TXNDC11: variants seen among roughly 807,000 people sequenced by gnomAD.
TXNDC11 encodes the protein thioredoxin domain containing 11.
Under a neutral mutation model 78.0 loss-of-function variants are expected in TXNDC11, and 68 were observed. The ratio of observed to expected loss-of-function variants is 0.87; its 90% CI spans 0.72 to 1.07. TXNDC11 has a LOEUF of 1.07. TXNDC11 is among the 50% of genes least tolerant of loss of function. TXNDC11 has a pLI of 0.00. For synonymous variants in TXNDC11, 571 were observed against 495.2 expected, an observed-to-expected ratio of 1.15 and a Z score of -2.03; for missense variants, 1,389 against 1,221.8, an observed-to-expected ratio of 1.14 and a Z score of -2.04.
At chr16:11,685,255 G>A (rs925678690) in intron 10 of TXNDC11, among the ~76,000 whole-genome samples, 10 of 151,932 alleles carry the variant, frequency 6.6e-5, no homozygotes, top group Non-Finnish European at 1.5e-4. Context: ...ACTTGGGAAG[G>A]TGGGAGAATC....
intron 1 of TXNDC11, 33 bp from the exon 2 acceptor site, chr16:11,736,266 A>T: frequency 6.7e-7 from 1 of 1,485,178 alleles, no homozygotes; most frequent in Admixed American, 1.9e-5. Flanking sequence ...AAGATTGCTT[A>T]GTTTATCTTC....
chr16:11,738,174 G>A lies in TXNDC11; in HGVS notation c.255-1941C>T, dbSNP rs2052282953. ...GAGTCTCAAAATGATTATGCTGAGTGAAAAAAGTGCTAAAGAGTACATGCA... is the reference window on the plus strand; with the variant it reads ...GAGTCTCAAAATGATTATGCTGAGTAAAAAAAGTGCTAAAGAGTACATGCA... On this transcript the variant is annotated intron_variant, in intron 1 of 11. Coordinates refer to ENST00000283033, the MANE Select transcript of TXNDC11 (RefSeq NM_015914.7). 2.0e-5 allele frequency among the ~76,000 whole-genome samples: 3 copies of A among 152,304 alleles called. No homozygotes were observed. In the South Asian group the frequency reaches 6.2e-4, roughly 32 times the overall value.
chr16:11,735,238 A>C (rs540278119), intron 2 of TXNDC11, among the ~76,000 whole-genome samples: 43 of 152,324 alleles, frequency 2.8e-4, no homozygotes, highest in African/African-American at 9.9e-4. Flanking sequence ...GTAAGTCACC[A>C]ACATATCACC....
At chr16:11,725,974 C>CA (rs2051865139) in intron 4 of TXNDC11, among the ~76,000 whole-genome samples, 1 of 152,136 alleles carries the variant, frequency 6.6e-6, no homozygotes, top group Non-Finnish European at 1.5e-5. Flanking sequence ...CTCCTGGACT[C>CA]AAGCAATCCT....
chr16:11,686,237 C>T (rs1303410733), intron 10 of TXNDC11, among the ~76,000 whole-genome samples: 2 of 152,198 alleles, frequency 1.3e-5, no homozygotes, highest in Admixed American at 6.5e-5. Context: ...GGATTACAGG[C>T]ATGAGCCACT....
chr16:11,717,223 T>A (rs2051551950), intron 5 of TXNDC11, among the ~76,000 whole-genome samples: 1 of 149,102 alleles, frequency 6.7e-6, no homozygotes. Context: ...GTCAGGAGTT[T>A]GAGACCAGCC....
At chr16:11,682,198 T>G (rs2050440953) in intron 11 of TXNDC11, among the ~76,000 whole-genome samples, 1 of 152,240 alleles carries the variant, frequency 6.6e-6, no homozygotes, top group Non-Finnish European at 1.5e-5. Context: ...GCTTGCCCAT[T>G]TACCTTCTGG....
At chr16:11,731,687 T>TCA (rs34570874) in intron 3 of TXNDC11, among the ~76,000 whole-genome samples, 8,936 of 143,776 alleles carry the variant, frequency 0.062, 410 homozygotes, top group African/African-American at 0.14. Flanking sequence ...TTACAGAAAT[T>TCA]CACACACACA....
chr16:11,722,916 G>T (rs374570150), intron 4 of TXNDC11, among the ~76,000 whole-genome samples: 2 of 152,166 alleles, frequency 1.3e-5, no homozygotes, highest in East Asian at 1.9e-4. Flanking sequence ...CTTGCTTGTT[G>T]TAAGATTCAA....
chr16:11,736,472 A>C (rs1434415682), intron 1 of TXNDC11, among the ~76,000 whole-genome samples: 2 of 152,190 alleles, frequency 1.3e-5, no homozygotes, highest in African/African-American at 4.8e-5. Context: ...AGTGGAGAGC[A>C]GAGAAGGATG....
chr16:11,691,564 C>T lies in TXNDC11; in HGVS notation c.1626G>A (p.Glu542=). The change falls in exon 8 of 12, where the codon GAG becomes GAA. Residue 542 remains glutamate (E), a synonymous_variant. Coordinates refer to ENST00000283033, the MANE Select transcript of TXNDC11 (RefSeq NM_015914.7). The part of the protein sequence containing the change: ...VAFSSLEKKC[E]VDAPSSVPHI... ...GAGGAACGGAGCTTGGGGCATCAACCTCACATTTCTTCTCAAGGGAAGAAA... is the reference window on the plus strand; with the variant it reads ...GAGGAACGGAGCTTGGGGCATCAACTTCACATTTCTTCTCAAGGGAAGAAA... 6.2e-7 allele frequency: 1 copy of T among 1,614,206 alleles called. No homozygotes were observed.
At chr16:11,702,304 A>G (rs1461693483) in intron 5 of TXNDC11, among the ~76,000 whole-genome samples, 1 of 152,174 alleles carries the variant, frequency 6.6e-6, no homozygotes, top group Non-Finnish European at 1.5e-5. Flanking sequence ...GGTGAATAAG[A>G]TACTGCAGAA....
At chr16:11,726,814 G>T (rs1191744627) in intron 4 of TXNDC11, among the ~76,000 whole-genome samples, 1 of 152,080 alleles carries the variant, frequency 6.6e-6, no homozygotes, top group Non-Finnish European at 1.5e-5. Context: ...TAGCATTTTG[G>T]GAGGCTAAGG....
chr16:11,734,088 C>T lies in TXNDC11; in HGVS notation c.472-9G>A, dbSNP rs989666086. ...ATTGCCACAAACAACACCTGCAGAG[C>T]CAAAAAAGGTTTTCAAATGACTATG... is the stretch of plus-strand genomic sequence containing the variant. On this transcript the variant is annotated splice_polypyrimidine_tract_variant and intron_variant, in intron 2 of 11. Transcript: ENST00000283033. 2 of 1,570,858 alleles carry T rather than the reference C, an allele frequency of 1.3e-6. No homozygotes were observed. The highest frequency in any genetic ancestry group is 4.6e-5 in the East Asian group (2 of 43,748).
chr16:11,733,467 C>T (rs557850102), intron 3 of TXNDC11, among the ~76,000 whole-genome samples: 2 of 151,532 alleles, frequency 1.3e-5, no homozygotes, highest in Non-Finnish European at 2.9e-5. Context: ...GCCGAGCTTG[C>T]AGTGAGCGGA....
At chr16:11,680,449 A>G (rs2050394711) in intron 11 of TXNDC11, among the ~76,000 whole-genome samples, 1 of 152,244 alleles carries the variant, frequency 6.6e-6, no homozygotes, top group Admixed American at 6.5e-5. Context: ...CTATGAATTC[A>G]GGCTGCCCAG....
At chr16:11,696,929 A>C (rs749280700) in intron 7 of TXNDC11, among the ~76,000 whole-genome samples, 3 of 152,120 alleles carry the variant, frequency 2.0e-5, no homozygotes, top group Non-Finnish European at 4.4e-5. Flanking sequence ...CCAAATCCAC[A>C]ACCACAGCCA....
intron 5 of TXNDC11, 74 bp from the exon 6 acceptor site, chr16:11,700,638 T>A (rs989941652): frequency 2.7e-6 from 2 of 733,278 alleles, no homozygotes; most frequent in Admixed American, 4.4e-5. Context: ...AGTGATCAAG[T>A]CTTGAAGCAC....
intron 8 of TXNDC11, among the ~76,000 whole-genome samples, chr16:11,688,753 A>AAATAATGT (rs2050633505): frequency 6.6e-6 from 1 of 152,210 alleles, no homozygotes; most frequent in Non-Finnish European, 1.5e-5. Context: ...GACTGTATAA[A>AAATAATGT]TCATCAACAA....
Sources: allele counts gnomAD v4.1 joint callset (sites outside exome capture counted in the v4.1 genomes callset), GRCh38; gene constraint gnomAD v4.1.1; transcripts MANE v1.5; gene names NCBI Gene and HGNC (gene_info 2026-07-23, HGNC 2026-07-21).